PCDHA3: variants seen among roughly 807,000 people sequenced by gnomAD.
The protein encoded by PCDHA3 is protocadherin alpha 3, also known as protocadherin alpha-3.
A neutral mutation model predicts 62.2 loss-of-function variants in PCDHA3; 41 were observed. The observed-to-expected ratio is 0.66, with a 90% CI of 0.51 to 0.86. The LOEUF is 0.86. PCDHA3 is among the 40% of genes least tolerant of loss of function. PCDHA3 has a pLI of 0.00. For missense variants in PCDHA3, 1,304 were observed against 1,241.2 expected (o/e 1.05, Z -0.76); for synonymous variants, 640 against 555.4 (o/e 1.15, Z -2.14).
rs183321523 is a variant in PCDHA3 at position 140,948,382 on chromosome 5, A to G, written c.2395-30567A>G. Among the ~76,000 whole-genome samples the G allele has an allele frequency of 1.2e-3, 182 of 151,516 alleles. 1 individual carries two copies. Among genetic ancestry groups the G allele is most frequent in the African/African-American group, 3.9e-3 (163 of 41,496 alleles). ...TGACTTAGGAGGTGTTCCTTCCTCT[A>G]TTTTCTGAAAGGTTGTGTAATATTG... On this transcript the variant is annotated intron_variant, in intron 1 of 3. Coordinates refer to ENST00000522353, the MANE Select transcript of PCDHA3 (RefSeq NM_018906.3).
intron 1 of PCDHA3, chr5:140,871,342 T>C: frequency 6.2e-7 from 1 of 1,614,120 alleles, no homozygotes; most frequent in Non-Finnish European, 8.5e-7. Context: ...GGTGGGGAGC[T>C]GGTCATACTC....
intron 1 of PCDHA3, chr5:140,858,776 C>G (rs2045586511): frequency 2.4e-6 from 1 of 420,578 alleles, no homozygotes; most frequent in Admixed American, 4.3e-5. Context: ...GAGATTAGTA[C>G]TTCATGTTAT....
At chr5:140,837,001 C>A in intron 1 of PCDHA3, 1 of 327,960 alleles carries the variant, frequency 3.0e-6, no homozygotes, top group Non-Finnish European at 5.5e-6. Flanking sequence ...CTAACTGGAG[C>A]AATGGATTCA....
At chr5:140,934,926 G>C (rs1054459840) in intron 1 of PCDHA3, among the ~76,000 whole-genome samples, 1 of 152,116 alleles carries the variant, frequency 6.6e-6, no homozygotes, top group African/African-American at 2.4e-5. Flanking sequence ...TTCACATAAA[G>C]TTACAAAACT....
At chr5:140,870,941 C>A in intron 1 of PCDHA3, 1 of 1,613,712 alleles carries the variant, frequency 6.2e-7, no homozygotes, top group Non-Finnish European at 8.5e-7. Context: ...TTGCAGCCGG[C>A]GGCGGGCGGC....
rs186453463 is a variant in PCDHA3 at position 140,951,770 on chromosome 5, C to T, written c.2395-27179C>T. On this transcript the variant is annotated intron_variant, in intron 1 of 3. Transcript: ENST00000522353. ...ACCCTCCGCGAAATCTCATGACGTT[C>T]TTACATTGCAAAATACAATTATCCC... 1.6e-3 allele frequency among the ~76,000 whole-genome samples: 247 copies of T among 152,268 alleles called. 1 individual carries two copies. The highest frequency in any genetic ancestry group is 5.5e-3 in the African/African-American group (229 of 41,576).
intron 1 of PCDHA3, among the ~76,000 whole-genome samples, chr5:140,925,484 T>C (rs1178019565): frequency 6.6e-6 from 1 of 152,066 alleles, no homozygotes; most frequent in Admixed American, 6.6e-5. Flanking sequence ...CTCATAGAAC[T>C]GATCACTGTC....
At chr5:140,915,682 G>A (rs1239251164) in intron 1 of PCDHA3, among the ~76,000 whole-genome samples, 1 of 151,322 alleles carries the variant, frequency 6.6e-6, no homozygotes, top group Admixed American at 6.6e-5. Context: ...CTTGAACTAG[G>A]GGTATGGTGA....
rs1026448396 is a variant in PCDHA3 at position 140,869,464 on chromosome 5, G to A, written c.2394+65873G>A. 1.1e-5 allele frequency: 18 copies of A among 1,614,080 alleles called. No individual in the cohort carries two copies. Among genetic ancestry groups the A allele is most frequent in the Non-Finnish European group, 1.4e-5 (17 of 1,180,040 alleles). ...GCCGCTGCAGGTTTTCCATGTGAAC[G>A]TGGAGGTGAAGGACATTAACGACAA... On this transcript the variant is annotated intron_variant, in intron 1 of 3. Transcript: ENST00000522353.
At chr5:140,955,241 A>T (rs1554221829) in intron 1 of PCDHA3, among the ~76,000 whole-genome samples, 1 of 152,114 alleles carries the variant, frequency 6.6e-6, no homozygotes, top group East Asian at 1.9e-4. Context: ...TTTGCTTAGG[A>T]TCGGCTTGGC....
rs2150166927 is a variant in PCDHA3, at chr5:140,829,387, G to A, written c.2394+25796G>A. On this transcript the variant is annotated intron_variant, in intron 1 of 3. Coordinates refer to ENST00000522353, the MANE Select transcript of PCDHA3 (RefSeq NM_018906.3). ...TGGTAACCGCGCGGGACGGGGGCTC[G>A]CCTTCGCTGTGGGCCACCGCCAGCT... 10 of 1,614,054 alleles carry A rather than the reference G, an allele frequency of 6.2e-6. No individual in the cohort carries two copies. The Admixed American group carries it at 1.2e-4, about 19-fold the overall frequency.
intron 1 of PCDHA3, chr5:140,807,698 A>G: frequency 6.2e-7 from 1 of 1,614,212 alleles, no homozygotes; most frequent in Non-Finnish European, 8.5e-7. Context: ...GCTCACTTAC[A>G]GACTGAGCCC....
At position 140,841,885 on chromosome 5, in the gene PCDHA3, G is replaced by A. The variant is rs2150324724; in HGVS notation, c.2394+38294G>A. The A allele has an allele frequency of 1.5e-5, 24 of 1,613,684 alleles. 1 individual carries two copies. In the African/African-American group the frequency reaches 2.7e-4, roughly 18 times the overall value. On this transcript the variant is annotated intron_variant, in intron 1 of 3. Coordinates refer to ENST00000522353, the MANE Select transcript of PCDHA3 (RefSeq NM_018906.3). ...TAGATGTGAATTCAAAGAACGATGA[G>A]AATAAACTGGTTGAGCTCGTATTAA...
chr5:140,952,798 G>T (rs1554220633), intron 1 of PCDHA3, among the ~76,000 whole-genome samples: 1 of 152,138 alleles, frequency 6.6e-6, no homozygotes, highest in African/African-American at 2.4e-5. Flanking sequence ...TAACTGGCTC[G>T]CAGTTCTGCA....
chr5:140,883,339 C>T (rs142984869), intron 1 of PCDHA3: 2 of 1,614,172 alleles, frequency 1.2e-6, no homozygotes, highest in Admixed American at 3.3e-5. Flanking sequence ...CTTTGTCACT[C>T]CCCATCAGAG....
intron 1 of PCDHA3, chr5:140,805,565 A>C (rs1763594413): frequency 1.0e-6 from 1 of 969,672 alleles, no homozygotes; most frequent in Non-Finnish European, 1.2e-6. Context: ...AGGCAAGGAA[A>C]GTTTTTAAAT....
chr5:140,904,873 G>C (rs1309196167), intron 1 of PCDHA3, among the ~76,000 whole-genome samples: 1 of 151,932 alleles, frequency 6.6e-6, no homozygotes, highest in Non-Finnish European at 1.5e-5. Flanking sequence ...TATGTCCTTA[G>C]CTCACTTTTT....
intron 1 of PCDHA3, among the ~76,000 whole-genome samples, chr5:140,906,204 C>A (rs2072457750): frequency 6.6e-6 from 1 of 152,192 alleles, no homozygotes. Context: ...AGTTGACACT[C>A]AGTATTAACC....
intron 1 of PCDHA3, among the ~76,000 whole-genome samples, chr5:140,971,291 C>T (rs541777110): frequency 1.1e-4 from 17 of 152,164 alleles, no homozygotes; most frequent in Admixed American, 3.3e-4. Flanking sequence ...TTAATATGTA[C>T]TTTGGTACAC....
Sources: gnomAD v4.1 joint callset for allele counts (sites outside exome capture counted in the v4.1 genomes callset) on GRCh38, gnomAD v4.1.1 for gene constraint, MANE v1.5 for transcripts, NCBI Gene and HGNC (gene_info 2026-07-23, HGNC 2026-07-21) for gene names.